The following DPP6 variants were observed in gnomAD, a reference collection of about 807,000 sequenced individuals.
The protein encoded by DPP6 is dipeptidyl peptidase like 6, also known as A-type potassium channel modulatory protein DPP6.
In DPP6, 69 loss-of-function variants were observed where a neutral mutation model predicts 122.6. The ratio of observed to expected loss-of-function variants is 0.56; its 90% confidence interval spans 0.46 to 0.69. The LOEUF is 0.69. Ranked by LOEUF, DPP6 falls within the 30% of genes least tolerant of loss-of-function variation. DPP6 has a pLI of 0.00. For synonymous variants in DPP6, 418 were observed against 433.1 expected (o/e 0.97, Z 0.43); for missense variants, 928 against 1,116.9 (o/e 0.83, Z 2.41).
chr7:154,561,164 C>T (rs2130479143), intron 4 of DPP6, among the ~76,000 whole-genome samples: 1 of 152,016 alleles, frequency 6.6e-6, no homozygotes, highest in African/African-American at 2.4e-5. Flanking sequence ...GTTGTAGATC[C>T]CAACAATCCT....
At chr7:154,235,153 A>G (rs1305002271) in intron 1 of DPP6, among the ~76,000 whole-genome samples, 2 of 152,224 alleles carry the variant, frequency 1.3e-5, no homozygotes, top group Non-Finnish European at 2.9e-5. Flanking sequence ...CCCCCGAAGG[A>G]AACTGTGCCC....
rs183116301 is a variant in DPP6 at position 154,584,666 on chromosome 7, C to G, written c.627+17750C>G. Among the ~76,000 whole-genome samples the G allele has an allele frequency of 9.8e-5, 15 of 152,348 alleles. No homozygotes were observed. In the East Asian group the frequency reaches 2.9e-3, roughly 29 times the overall value. ...CCAGGATTTTACCTTCTTAAATGCA[C>G]TTCTGTTAAGCTGTGCATGTAAGAG... On this transcript the variant is annotated intron_variant, in intron 5 of 25. Coordinates refer to ENST00000377770, the MANE Select transcript of DPP6 (RefSeq NM_130797.4).
chr7:154,323,026 G>T (rs1474924099), intron 1 of DPP6, among the ~76,000 whole-genome samples: 2 of 151,976 alleles, frequency 1.3e-5, no homozygotes, highest in Non-Finnish European at 2.9e-5. Context: ...CCAGAAGCTG[G>T]CCTGGTTGCA....
At chr7:154,512,340 T>C (rs1826154611) in intron 3 of DPP6, among the ~76,000 whole-genome samples, 1 of 152,206 alleles carries the variant, frequency 6.6e-6, no homozygotes, top group Admixed American at 6.5e-5. Flanking sequence ...CGTGTAATGT[T>C]ATATAAAGCA....
chr7:154,032,611 A>G (rs926551506), intron 1 of DPP6, among the ~76,000 whole-genome samples: 3 of 152,212 alleles, frequency 2.0e-5, no homozygotes, highest in African/African-American at 7.2e-5. Flanking sequence ...TTATTTTTGT[A>G]TATTTATAAC....
At position 154,486,482 on chromosome 7, in the gene DPP6, C is replaced by G. The variant is rs1823809932; in HGVS notation, c.457+11445C>G. Among the ~76,000 whole-genome samples, 2 of 152,188 alleles carry G rather than the reference C, an allele frequency of 1.3e-5. No individual in the cohort carries two copies. The highest frequency in any genetic ancestry group is 1.3e-4 in the Admixed American group (2 of 15,278). On this transcript the variant is annotated intron_variant, in intron 3 of 25. Coordinates refer to ENST00000377770, the MANE Select transcript of DPP6 (RefSeq NM_130797.4). This position sits in a 1 kb window ranked among gnomAD's most constrained non-coding sequence, Gnocchi z 4.5. ...CTGGCCATATTAGGTTCTTTGGCAG[C>G]TTTGTGACTTTATTGCTCTTCTCTT...
intron 1 of DPP6, among the ~76,000 whole-genome samples, chr7:154,223,262 G>A (rs1800409425): frequency 6.7e-6 from 1 of 149,362 alleles, no homozygotes; most frequent in South Asian, 2.1e-4. Flanking sequence ...ATGACAGATT[G>A]TAGGTAAACA....
intron 1 of DPP6, among the ~76,000 whole-genome samples, chr7:153,941,952 G>A (rs1030772689): frequency 2.0e-5 from 3 of 152,116 alleles, no homozygotes; most frequent in African/African-American, 7.2e-5. Flanking sequence ...TTTACCTGTG[G>A]CTGGGAAAAA....
chr7:154,680,286 T>G (rs901752694), intron 7 of DPP6, among the ~76,000 whole-genome samples: 1 of 151,658 alleles, frequency 6.6e-6, no homozygotes, highest in Non-Finnish European at 1.5e-5. Flanking sequence ...GCAGAAAGAG[T>G]CATCAAGACA....
At chr7:154,145,517 A>G (rs1796045403) in intron 1 of DPP6, among the ~76,000 whole-genome samples, 1 of 152,008 alleles carries the variant, frequency 6.6e-6, no homozygotes, top group Admixed American at 6.6e-5. Flanking sequence ...GAACTGGAAG[A>G]TAATGCATTT....
chr7:154,675,212 CG>C (rs879172925), intron 7 of DPP6, among the ~76,000 whole-genome samples: 2 of 151,160 alleles, frequency 1.3e-5, no homozygotes, highest in Non-Finnish European at 1.5e-5. Flanking sequence ...TGTCCGGGGG[CG>C]GGGGGCTAGG....
chr7:154,727,696 A>AT, intron 7 of DPP6, 71 bp from the exon 8 acceptor site: 3 of 1,491,244 alleles, frequency 2.0e-6, no homozygotes, highest in Middle Eastern at 2.2e-4. Flanking sequence ...ATGATTTCAG[A>AT]TTTTTTAAGA....
chr7:154,537,857 A>T (rs1002702979), intron 3 of DPP6, among the ~76,000 whole-genome samples: 1 of 152,130 alleles, frequency 6.6e-6, no homozygotes, highest in Admixed American at 6.5e-5. Context: ...TATTCATGGT[A>T]GAATGGTTTG....
intron 16 of DPP6, among the ~76,000 whole-genome samples, chr7:154,853,154 C>T (rs762881366): frequency 4.6e-5 from 7 of 152,148 alleles, no homozygotes; most frequent in Admixed American, 2.6e-4. Flanking sequence ...TAAGAAGAAT[C>T]GAGAAGTCAC....
At chr7:154,889,432 C>CTT (rs11335725) in intron 24 of DPP6, 25 bp from the exon 25 acceptor site, 707 of 1,492,494 alleles carry the variant, frequency 4.7e-4, no homozygotes, top group South Asian at 1.8e-3. Context: ...GTCTTCCTCT[C>CTT]TTTTTTTTTT....
At chr7:154,835,199 C>T (rs1039204241) in intron 16 of DPP6, among the ~76,000 whole-genome samples, 2 of 152,070 alleles carry the variant, frequency 1.3e-5, no homozygotes, top group Admixed American at 6.6e-5. Context: ...GGATGGACCC[C>T]GGATCTGATA....
At chr7:154,022,584 C>A (rs1188058872) in intron 1 of DPP6, among the ~76,000 whole-genome samples, 1 of 152,096 alleles carries the variant, frequency 6.6e-6, no homozygotes, top group Admixed American at 6.5e-5. Context: ...CATGGATGCT[C>A]CCCCCTGAAA....
At chr7:154,698,993 CAG>C (rs1840370304) in intron 7 of DPP6, among the ~76,000 whole-genome samples, 1 of 152,186 alleles carries the variant, frequency 6.6e-6, no homozygotes, top group African/African-American at 2.4e-5. Context: ...CTGTAGGCTG[CAG>C]AGAGGTTGGC....
rs551268765 is a variant in DPP6, at chr7:154,856,774, A to G, written c.1714+2947A>G. On this transcript the variant is annotated intron_variant, in intron 17 of 25. Transcript: ENST00000377770. ...TTTTAGGAAGCATTTCGCCGTTTGC[A>G]GTTGAGCTGTCACTTTGGTGACTGT... 3.4e-3 allele frequency among the ~76,000 whole-genome samples: 521 copies of G among 152,320 alleles called. 3 individuals carry two copies. Among genetic ancestry groups the G allele is most frequent in the African/African-American group, 0.011 (472 of 41,576 alleles).
Sources: gnomAD v4.1 joint callset for allele counts (sites outside exome capture counted in the v4.1 genomes callset) on GRCh38, gnomAD v4.1.1 for gene constraint, Gnocchi (gnomAD v3.1) non-coding constraint, MANE v1.5 for transcripts, NCBI Gene and HGNC (gene_info 2026-07-23, HGNC 2026-07-21) for gene names.